STPG4: variants seen among roughly 807,000 people sequenced by gnomAD.
STPG4 encodes sperm-tail PG-rich repeat containing 4, also known as protein STPG4.
In STPG4, 41 loss-of-function variants were observed where a neutral mutation model predicts 31.5. That is an observed-to-expected ratio of 1.30 (90% CI 1.01 to 1.69). The LOEUF (loss-of-function observed/expected upper bound fraction) is 1.69. Among genes scored for constraint, STPG4 ranks in the 40% most tolerant of loss-of-function variants. STPG4 has a pLI of 0.00. For synonymous variants in STPG4, 141 were observed against 103.0 expected, an observed-to-expected ratio of 1.37 and a Z score of -2.24; for missense variants, 375 against 293.4, an observed-to-expected ratio of 1.28 and a Z score of -2.03.
chr2:47,140,799 A>G (rs1686685668), intron 3 of STPG4, among the ~76,000 whole-genome samples: 1 of 152,166 alleles, frequency 6.6e-6, no homozygotes, highest in Admixed American at 6.5e-5. Flanking sequence ...AAGGCAACAG[A>G]TTTCTAATAG....
In STPG4 at chr2:47,129,931, T is replaced by A. The variant is rs776677322; in HGVS notation, c.519+10A>T. On this transcript the variant is annotated intron_variant, in intron 5 of 6. Transcript: ENST00000445927. ...ATTCATCATGAGTTAACTGTCTACA[T>A]TATACTTACGGGAATAAAATAGGTT... The A allele has an allele frequency of 5.0e-6, 8 of 1,612,212 alleles. No individual in the cohort carries two copies. The East Asian group carries it at 1.3e-4, about 27-fold the overall frequency.
At chr2:47,137,795 T>A (rs1459430218) in intron 3 of STPG4, among the ~76,000 whole-genome samples, 2 of 152,204 alleles carry the variant, frequency 1.3e-5, no homozygotes, top group African/African-American at 4.8e-5. Context: ...CTGTCCTTTT[T>A]AATGTCAATA....
intron 3 of STPG4, among the ~76,000 whole-genome samples, chr2:47,144,844 C>T (rs1331950968): frequency 6.6e-6 from 1 of 152,166 alleles, no homozygotes; most frequent in Admixed American, 6.5e-5. Flanking sequence ...GATTCTCCTG[C>T]CTCAGCCTCC....
intron 5 of STPG4, among the ~76,000 whole-genome samples, chr2:47,095,584 T>C (rs1685653991): frequency 6.6e-6 from 1 of 152,198 alleles, no homozygotes; most frequent in African/African-American, 2.4e-5. Context: ...ATGGCAGCCC[T>C]AGCACATGAA....
intron 4 of STPG4, 65 bp downstream of exon 4, chr2:47,130,131 G>C (rs1686446540): frequency 2.0e-6 from 3 of 1,517,712 alleles, no homozygotes; most frequent in African/African-American, 1.4e-5. Flanking sequence ...AGGTTTAAAA[G>C]CCAGGAGTAT....
intron 6 of STPG4, among the ~76,000 whole-genome samples, chr2:47,087,773 G>C (rs527995052): frequency 6.6e-6 from 1 of 152,032 alleles, no homozygotes; most frequent in African/African-American, 2.4e-5. Context: ...TTTTGAGACA[G>C]AGTCTCGCCC....
chr2:47,111,349 T>C, intron 5 of STPG4, among the ~76,000 whole-genome samples: 1 of 152,236 alleles, frequency 6.6e-6, no homozygotes, highest in East Asian at 1.9e-4. Flanking sequence ...CTGATATCCT[T>C]AATGCCCACA....
chr2:47,107,315 T>G (rs57542937), intron 5 of STPG4, among the ~76,000 whole-genome samples: 2 of 151,780 alleles, frequency 1.3e-5, no homozygotes, highest in African/African-American at 4.9e-5. Flanking sequence ...CTGCGCGTGG[T>G]GCTTGCGGGC....
chr2:47,123,478 T>C (rs1242576975), intron 5 of STPG4, among the ~76,000 whole-genome samples: 1 of 152,142 alleles, frequency 6.6e-6, no homozygotes, highest in African/African-American at 2.4e-5. Context: ...ACAGAGTAGA[T>C]ACATTTTAAA....
chr2:47,089,917 G>T (rs1395535444), intron 6 of STPG4, among the ~76,000 whole-genome samples: 1 of 152,150 alleles, frequency 6.6e-6, no homozygotes, highest in Non-Finnish European at 1.5e-5. Context: ...CACACACAGA[G>T]AACAGCCATT....
chr2:47,089,436 C>T (rs534889292), intron 6 of STPG4, among the ~76,000 whole-genome samples: 3 of 152,316 alleles, frequency 2.0e-5, no homozygotes, highest in African/African-American at 7.2e-5. Flanking sequence ...GCAGCCCAGG[C>T]AGTGGCAGTA....
intron 3 of STPG4, among the ~76,000 whole-genome samples, chr2:47,133,322 A>C (rs1319648803): frequency 2.0e-5 from 3 of 151,836 alleles, no homozygotes; most frequent in African/African-American, 7.3e-5. Context: ...ATGTGCAACC[A>C]CACCTAGCTA....
intron 5 of STPG4, among the ~76,000 whole-genome samples, chr2:47,107,576 C>T (rs1389846135): frequency 6.6e-6 from 1 of 152,154 alleles, no homozygotes; most frequent in East Asian, 1.9e-4. Flanking sequence ...CCTGTATGGG[C>T]TCCTGTGCAG....
At chr2:47,149,196 G>A (rs957471382) in intron 3 of STPG4, among the ~76,000 whole-genome samples, 1 of 152,168 alleles carries the variant, frequency 6.6e-6, no homozygotes, top group Non-Finnish European at 1.5e-5. Flanking sequence ...GAGGAAAGAA[G>A]AAAGAAACAG....
chr2:47,118,519 C>T lies in STPG4; in HGVS notation c.519+11422G>A, dbSNP rs190959227. Among the ~76,000 whole-genome samples the T allele has an allele frequency of 2.0e-3, 305 of 152,210 alleles. 1 individual carries two copies. The highest frequency in any genetic ancestry group is 6.3e-3 in the African/African-American group (260 of 41,538). On this transcript the variant is annotated intron_variant, in intron 5 of 6. Coordinates refer to ENST00000445927, the MANE Select transcript of STPG4 (RefSeq NM_001163561.2). ...ATAATGTAATGCACTTGAATCATCC[C>T]GAAACCATTCCCCACTCCAACCCTG...
At chr2:47,109,618 T>C (rs1034067725) in intron 5 of STPG4, among the ~76,000 whole-genome samples, 2 of 152,032 alleles carry the variant, frequency 1.3e-5, no homozygotes, top group Non-Finnish European at 2.9e-5. Context: ...GTTATATTTT[T>C]CCCAAAATGT....
chr2:47,117,126 G>A (rs563128316), intron 5 of STPG4, among the ~76,000 whole-genome samples: 2 of 152,208 alleles, frequency 1.3e-5, no homozygotes, highest in Admixed American at 6.5e-5. Context: ...ACCTAGGGTC[G>A]GGCACTTGCT....
intron 3 of STPG4, among the ~76,000 whole-genome samples, chr2:47,150,383 C>T (rs1046270286): frequency 5.9e-5 from 9 of 152,216 alleles, no homozygotes; most frequent in African/African-American, 1.9e-4. Flanking sequence ...ATCTTCCTTC[C>T]GCAGAGCCTA....
chr2:47,121,920 G>A (rs1686280043), intron 5 of STPG4, among the ~76,000 whole-genome samples: 1 of 149,592 alleles, frequency 6.7e-6, no homozygotes, highest in African/African-American at 2.5e-5. Flanking sequence ...TGGAGTACAG[G>A]ATAATCTCCC....
Sources: allele counts gnomAD v4.1 joint callset (sites outside exome capture counted in the v4.1 genomes callset), GRCh38; gene constraint gnomAD v4.1.1; transcripts MANE v1.5; gene names NCBI Gene and HGNC (gene_info 2026-07-23, HGNC 2026-07-21).